Variants in GABBR1 observed in about 807,000 individuals in gnomAD.
The protein encoded by GABBR1 is GABA-B receptor, R1 subunit.
GABBR1 carries 35 observed loss-of-function variants against 117.7 expected under a neutral mutation model. The ratio of observed to expected loss-of-function variants is 0.30; its 90% CI spans 0.23 to 0.39. GABBR1 has a LOEUF of 0.39. Among genes scored for constraint, GABBR1 ranks in the 10% least tolerant of loss-of-function variants. The pLI is 1.00. For synonymous variants in GABBR1, 442 were observed against 486.6 expected, an observed-to-expected ratio of 0.91 and a Z score of 1.21; for missense variants, 709 against 1,241.8, an observed-to-expected ratio of 0.57 and a Z score of 6.45.
chr6:29,616,391 A>G (rs1390626915), intron 11 of GABBR1, among the ~76,000 whole-genome samples: 1 of 150,154 alleles, frequency 6.7e-6, no homozygotes, highest in East Asian at 2.0e-4. Context: ...AAAAAAAAAA[A>G]TTAGCCGGAC....
chr6:29,612,320 C>G (rs1366718671), intron 13 of GABBR1, among the ~76,000 whole-genome samples: 1 of 152,100 alleles, frequency 6.6e-6, no homozygotes, highest in African/African-American at 2.4e-5. Flanking sequence ...CCAGCCTGCA[C>G]ACCTCTTTTC....
intron 11 of GABBR1, among the ~76,000 whole-genome samples, chr6:29,614,732 A>G (rs1480317338): frequency 2.6e-5 from 4 of 152,216 alleles, no homozygotes; most frequent in African/African-American, 7.2e-5. Flanking sequence ...AATACTCTGT[A>G]AAGTATTTAA....
intron 14 of GABBR1, 145 bp downstream of exon 14, chr6:29,610,779 C>G: frequency 3.1e-6 from 2 of 649,064 alleles, no homozygotes; most frequent in Non-Finnish European, 5.5e-6. Flanking sequence ...GTTGTATTCA[C>G]TCTCACTTAA....
Position 29,621,323 on chromosome 6 carries a change from G to C in GABBR1, c.1132-31C>G. On this transcript the variant is annotated intron_variant, in intron 10 of 22. Coordinates refer to ENST00000377034, the MANE Select transcript of GABBR1 (RefSeq NM_001470.4). The surrounding 1 kb of genome is among the most constrained non-coding windows in gnomAD (Gnocchi z 5.0). ...TACAGAGGAGAATGGCTGAGTTTTTGTTTGCTCATTTGTTTGTTTTTGTCT... is the reference window on the plus strand; with the variant it reads ...TACAGAGGAGAATGGCTGAGTTTTTCTTTGCTCATTTGTTTGTTTTTGTCT... 1.3e-6 allele frequency: 2 copies of C among 1,582,112 alleles called. No individual in the cohort carries two copies. The highest frequency in any genetic ancestry group is 1.7e-6 in the Non-Finnish European group (2 of 1,157,298).
At chr6:29,625,588 A>G (rs1764192024) in intron 6 of GABBR1, among the ~76,000 whole-genome samples, 1 of 151,946 alleles carries the variant, frequency 6.6e-6, no homozygotes, top group Non-Finnish European at 1.5e-5. Context: ...AAGGATCTGG[A>G]TTTGCAGGCA....
intron 6 of GABBR1, among the ~76,000 whole-genome samples, chr6:29,626,302 G>A (rs1177818448): frequency 6.6e-6 from 1 of 152,072 alleles, no homozygotes; most frequent in African/African-American, 2.4e-5. Flanking sequence ...TTCTAAAAAT[G>A]AATATAAATC....
chr6:29,623,872 C>T lies in GABBR1; in HGVS notation c.792+18G>A. The stretch of plus-strand genomic sequence containing the variant: ...AAAGGGAATGACCCCATCTTCTGAC[C>T]CCCATAGCCCTGCTTACCACAATGA... On this transcript the variant is annotated intron_variant, in intron 7 of 22. Coordinates refer to ENST00000377034, the MANE Select transcript of GABBR1 (RefSeq NM_001470.4). This position sits in a 1 kb window ranked among gnomAD's most constrained non-coding sequence, Gnocchi z 6.2. 6.2e-7 allele frequency: 1 copy of T among 1,608,272 alleles called. No homozygotes were observed. Among genetic ancestry groups the T allele is most frequent in the Non-Finnish European group, 8.5e-7 (1 of 1,177,782 alleles).
In GABBR1 at chr6:29,620,858, A is replaced by T. The variant is rs1404854022; in HGVS notation, c.1323+243T>A. Among the ~76,000 whole-genome samples, 1 of 150,610 alleles carries T rather than the reference A, an allele frequency of 6.6e-6. No individual in the cohort carries two copies. The highest frequency in any genetic ancestry group is 1.5e-5 in the Non-Finnish European group (1 of 67,832). On this transcript the variant is annotated intron_variant, in intron 11 of 22. Transcript: ENST00000377034. The surrounding 1 kb of genome is among the most constrained non-coding windows in gnomAD (Gnocchi z 4.5). ...CTCCATGGTAACAGCCCTTCCACTC[A>T]TCAGGAACCTACTGAACATACAACT...
In GABBR1 at chr6:29,631,151, T is replaced by A. The variant is rs556424307; in HGVS notation, c.289+245A>T. 2.2e-4 allele frequency among the ~76,000 whole-genome samples: 33 copies of A among 152,340 alleles called. No homozygotes were observed. Among genetic ancestry groups the A allele is most frequent in the Admixed American group, 1.3e-3 (20 of 15,310 alleles). On this transcript the variant is annotated intron_variant, in intron 3 of 22. Transcript: ENST00000377034. The surrounding 1 kb of genome is among the most constrained non-coding windows in gnomAD (Gnocchi z 5.9). ...AGAGAATAACTGACAAGATGAATTA[T>A]CAATGTTATAGGCCAATGATCAGTG...
Position 29,609,672 on chromosome 6 carries a change from T to C in GABBR1, c.1709-293A>G, listed in dbSNP as rs1171205162. ...GTCCCCAAAGTTGTAGTCTTTGTTT[T>C]TGTTTGTTCTTTAAGTTTTTCTGTC... On this transcript the variant is annotated intron_variant, in intron 14 of 22. Coordinates refer to ENST00000377034, the MANE Select transcript of GABBR1 (RefSeq NM_001470.4). The surrounding 1 kb of genome is among the most constrained non-coding windows in gnomAD (Gnocchi z 4.3). Among the ~76,000 whole-genome samples, 3 of 152,198 alleles carry C rather than the reference T, an allele frequency of 2.0e-5. No homozygotes were observed. Among genetic ancestry groups the C allele is most frequent in the Non-Finnish European group, 4.4e-5 (3 of 68,034 alleles).
chr6:29,627,515 C>A lies in GABBR1; in HGVS notation c.628G>T (p.Glu210Ter). The change falls in exon 6 of 23, where the codon GAG (glutamate) becomes TAG (stop). Residue 210 changes from glutamate (E) to a stop codon, truncating the protein, a stop_gained. Transcript: ENST00000377034. LOFTEE classifies it high-confidence loss of function. This position sits in a 1 kb window ranked among gnomAD's most constrained non-coding sequence, Gnocchi z 4.4. ...NSRRDILPDYELKLIHHDSKC... is the reference protein window; with the variant it reads ...NSRRDILPDY ...CTGTCGTGGTGGATGAGCTTGAGCT[C>A]ATAGTCCGGCAGGATGTCCCTGCGG... 6.3e-7 allele frequency: 1 copy of A among 1,593,732 alleles called. No individual in the cohort carries two copies. Among genetic ancestry groups the A allele is most frequent in the East Asian group, 2.3e-5 (1 of 43,592 alleles).
At position 29,606,543 on chromosome 6, in the gene GABBR1, C is replaced by G; in HGVS notation, c.2218-59G>C. ...TGCCAGCCTCCCCTCCTCTCCTCAA[C>G]GCTTCTCAGTCTCTGGCTTCCAACT... On this transcript the variant is annotated intron_variant, in intron 18 of 22. Coordinates refer to ENST00000377034, the MANE Select transcript of GABBR1 (RefSeq NM_001470.4). This position sits in a 1 kb window ranked among gnomAD's most constrained non-coding sequence, Gnocchi z 4.5. 1 of 1,139,392 alleles carries G rather than the reference C, an allele frequency of 8.8e-7. No homozygotes were observed. The highest frequency in any genetic ancestry group is 2.3e-5 in the East Asian group (1 of 42,710). The allele number at this position is 1,139,392 out of a possible 1,614,324, so 70.6% of individuals were successfully genotyped here. A position where few individuals can be genotyped will look rare whatever the true frequency, so the allele number is the denominator to read the frequency against.
At chr6:29,608,825 C>T in intron 15 of GABBR1, 92 bp from the exon 16 acceptor site, 2 of 1,416,866 alleles carry the variant, frequency 1.4e-6, no homozygotes, top group Non-Finnish European at 1.9e-6. Context: ...AATGGCATGA[C>T]CCTAATTTCA....
chr6:29,608,465 T>C (rs908741814), intron 16 of GABBR1, 136 bp downstream of exon 16: 2 of 867,670 alleles, frequency 2.3e-6, no homozygotes, highest in Non-Finnish European at 3.6e-6. Context: ...AGAGGGGTGA[T>C]GCTAGAAGGA....
At position 29,604,348 on chromosome 6, in the gene GABBR1, C is replaced by G. The variant is rs1468754511; in HGVS notation, c.2712+146G>C. 4 of 953,722 alleles carry G rather than the reference C, an allele frequency of 4.2e-6. No individual in the cohort carries two copies. Among genetic ancestry groups the G allele is most frequent in the African/African-American group, 1.6e-5 (1 of 62,366 alleles). The allele number at this position is 953,722 out of a possible 1,614,324, so 59.1% of individuals were successfully genotyped here. A position where few individuals can be genotyped will look rare whatever the true frequency, so the allele number is the denominator to read the frequency against. On this transcript the variant is annotated intron_variant, in intron 22 of 22. Transcript: ENST00000377034. This position sits in a 1 kb window ranked among gnomAD's most constrained non-coding sequence, Gnocchi z 5.3. Reference sequence around the variant, plus strand: ...CCCCTCCCCTATGCTGCTCCATTCACTCCTTACAGGTTGTCTCCTAGGACC... The same window carrying G: ...CCCCTCCCCTATGCTGCTCCATTCAGTCCTTACAGGTTGTCTCCTAGGACC...
rs1220158825 is a variant in GABBR1 at position 29,609,359 on chromosome 6, G to T, written c.1729C>A (p.Gln577Lys). 1 of 1,613,010 alleles carries T rather than the reference G, an allele frequency of 6.2e-7. No homozygotes were observed. Among genetic ancestry groups the T allele is most frequent in the East Asian group, 2.2e-5 (1 of 44,874 alleles). ...CGGAATGTCTTGATGACCAGGGTCT[G>T]GTCAGCTGGGGGGGACCCTCCTGCA... ...KWIGGSPPAD[Q>K]TLVIKTFRFL... The change falls in exon 15 of 23, where the codon CAG (glutamine) becomes AAG (lysine). Residue 577 changes from glutamine to lysine, a missense_variant. Around this residue, in one of 9 missense-constraint regions of GABBR1, gnomAD observed 251 missense variants for 445.3 expected, o/e 0.56. Transcript: ENST00000377034. The surrounding 1 kb of genome is among the most constrained non-coding windows in gnomAD (Gnocchi z 4.3).
Position 29,606,265 on chromosome 6 carries a change from G to C in GABBR1, c.2311+126C>G. 2.8e-6 allele frequency: 2 copies of C among 720,456 alleles called. No individual in the cohort carries two copies. Among genetic ancestry groups the C allele is most frequent in the East Asian group, 4.9e-5 (2 of 40,684 alleles). The allele number at this position is 720,456 out of a possible 1,614,324, so 44.6% of individuals were successfully genotyped here. On this transcript the variant is annotated intron_variant, in intron 19 of 22. Transcript: ENST00000377034. This position sits in a 1 kb window ranked among gnomAD's most constrained non-coding sequence, Gnocchi z 4.5. ...TTAGTGCAATAACAAAGAGTAGGGTGTTCAAACTGGGTTGACAAGCTCTCT... is the reference window on the plus strand; with the variant it reads ...TTAGTGCAATAACAAAGAGTAGGGTCTTCAAACTGGGTTGACAAGCTCTCT...
chr6:29,615,768 T>A (rs1409376533), intron 11 of GABBR1, among the ~76,000 whole-genome samples: 3 of 151,954 alleles, frequency 2.0e-5, no homozygotes, highest in African/African-American at 4.8e-5. Context: ...AAAATTTTTT[T>A]AAAAATTAGC....
Position 29,622,304 on chromosome 6 carries a change from G to A in GABBR1, c.964-99C>T, listed in dbSNP as rs1349686239. On this transcript the variant is annotated intron_variant, in intron 8 of 22. Coordinates refer to ENST00000377034, the MANE Select transcript of GABBR1 (RefSeq NM_001470.4). The surrounding 1 kb of genome is among the most constrained non-coding windows in gnomAD (Gnocchi z 4.6). The stretch of plus-strand genomic sequence containing the variant: ...GGGATTTCAGAGCAATACTCAGATA[G>A]AGCAAAGAAGCAGCCATTCTGAACC... 1.3e-6 allele frequency: 1 copy of A among 781,692 alleles called. No individual in the cohort carries two copies. The highest frequency in any genetic ancestry group is 1.7e-5 in the African/African-American group (1 of 58,482). The allele number at this position is 781,692 out of a possible 1,614,324, so 48.4% of individuals were successfully genotyped here.
Sources: gnomAD v4.1 joint callset for allele counts (sites outside exome capture counted in the v4.1 genomes callset) on GRCh38, gnomAD v4.1.1 for gene constraint, gnomAD v4.1.1 regional missense constraint, Gnocchi (gnomAD v3.1) non-coding constraint, MANE v1.5 for transcripts, NCBI Gene and HGNC (gene_info 2026-07-23, HGNC 2026-07-21) for gene names.